The following PGPEP1L variants were observed in gnomAD, a reference collection of about 807,000 sequenced individuals.
The protein encoded by PGPEP1L is pyroglutamyl-peptidase 1-like protein.
In PGPEP1L, 7 loss-of-function variants were observed where a neutral mutation model predicts 6.0. That is an observed-to-expected ratio of 1.17 (90% confidence interval 0.66 to 2.19). The LOEUF (loss-of-function observed/expected upper bound fraction) is 2.19, where lower values mean the gene tolerates loss of function less well. Ranked by LOEUF, PGPEP1L falls within the 30% of genes most tolerant of loss-of-function variation. PGPEP1L has a pLI of 0.00. For missense variants in PGPEP1L, 209 were observed against 192.5 expected, an observed-to-expected ratio of 1.09 and a Z score of -0.51; for synonymous variants, 103 against 83.9, an observed-to-expected ratio of 1.23 and a Z score of -1.24.
intron 1 of PGPEP1L, among the ~76,000 whole-genome samples, chr15:99,006,786 A>C (rs1273742897): frequency 1.3e-5 from 2 of 152,246 alleles, no homozygotes; most frequent in Non-Finnish European, 2.9e-5. Flanking sequence ...TGACAGAGTG[A>C]GACCCTGTCT....
At chr15:98,985,745 C>G (rs1034478659) in intron 2 of PGPEP1L, among the ~76,000 whole-genome samples, 5 of 152,372 alleles carry the variant, frequency 3.3e-5, no homozygotes, top group African/African-American at 9.6e-5. Context: ...CCTCTCTGAG[C>G]ACCCCTTTCC....
At chr15:98,985,966 T>TTC (rs2017741100) in intron 2 of PGPEP1L, among the ~76,000 whole-genome samples, 1 of 152,246 alleles carries the variant, frequency 6.6e-6, no homozygotes, top group African/African-American at 2.4e-5. Context: ...TTATGTTGCT[T>TTC]TCTTCCATAT....
rs548261790 is a variant in PGPEP1L at position 99,005,501 on chromosome 15, C to G, written c.-214G>C. ...GAGCTCGCGCTGCGCCTCCCTGGCT[C>G]AGGCAGCGGCCCAGCGGCCGGGCTC... On this transcript the variant is annotated 5_prime_UTR_variant, in exon 2 of 5. Transcript: ENST00000535714. 3.9e-5 allele frequency: 6 copies of G among 152,568 alleles called. No individual in the cohort carries two copies. In the East Asian group the frequency reaches 1.2e-3, roughly 29 times the overall value. 9.5% of individuals were successfully genotyped at this position (152,568 alleles called of 1,614,324 possible). A position where few individuals can be genotyped will look rare whatever the true frequency, so the allele number is the denominator to read the frequency against.
At chr15:98,977,850 G>C (rs1006417427) in intron 2 of PGPEP1L, among the ~76,000 whole-genome samples, 8 of 152,184 alleles carry the variant, frequency 5.3e-5, no homozygotes, top group African/African-American at 1.9e-4. Context: ...TACAAGCACT[G>C]TTATTAGGAG....
intron 2 of PGPEP1L, among the ~76,000 whole-genome samples, chr15:99,001,787 AGC>A (rs2017975464): frequency 2.0e-5 from 3 of 152,126 alleles, no homozygotes; most frequent in Non-Finnish European, 2.9e-5. Flanking sequence ...GTGTGATCTC[AGC>A]TCACTGCAAC....
intron 2 of PGPEP1L, among the ~76,000 whole-genome samples, chr15:98,993,661 C>G (rs2017848167): frequency 7.6e-6 from 1 of 131,480 alleles, no homozygotes. Context: ...GCATCACACA[C>G]CGGGGCCTGT....
At chr15:98,972,434 A>C (rs1283122904) in intron 2 of PGPEP1L, among the ~76,000 whole-genome samples, 1 of 152,062 alleles carries the variant, frequency 6.6e-6, no homozygotes, top group African/African-American at 2.4e-5. Context: ...AAAATCACTT[A>C]ACCACAAATA....
chr15:98,969,729 C>T (rs2151753238), intron 3 of PGPEP1L, 78 bp from the exon 4 acceptor site: 4 of 1,468,958 alleles, frequency 2.7e-6, no homozygotes, highest in Middle Eastern at 4.4e-4. Flanking sequence ...GAAGGGGCCA[C>T]TCCTTTTGAG....
At chr15:98,971,225 C>A (rs1342642227) in intron 2 of PGPEP1L, 67 bp from the exon 3 acceptor site, 1 of 1,452,428 alleles carries the variant, frequency 6.9e-7, no homozygotes. Context: ...CACCAAGAGT[C>A]CCTGAAAACC....
intron 2 of PGPEP1L, among the ~76,000 whole-genome samples, chr15:98,991,751 C>A (rs2017823155): frequency 6.6e-6 from 1 of 152,212 alleles, no homozygotes; most frequent in African/African-American, 2.4e-5. Context: ...AAAAGCTTAT[C>A]TACTACAATC....
chr15:98,997,456 A>C (rs1429609475), intron 2 of PGPEP1L, among the ~76,000 whole-genome samples: 2 of 152,204 alleles, frequency 1.3e-5, no homozygotes, highest in Admixed American at 6.5e-5. Context: ...AGTGTGAATA[A>C]GCAGTTGGCG....
At chr15:98,981,363 G>T (rs1278376699) in intron 2 of PGPEP1L, among the ~76,000 whole-genome samples, 2 of 151,780 alleles carry the variant, frequency 1.3e-5, no homozygotes, top group African/African-American at 4.8e-5. Context: ...GCTGGCGGGC[G>T]CCTGTAGTCC....
At chr15:98,993,379 C>T (rs2017843844) in intron 2 of PGPEP1L, among the ~76,000 whole-genome samples, 1 of 152,118 alleles carries the variant, frequency 6.6e-6, no homozygotes, top group African/African-American at 2.4e-5. Context: ...GAGAAATGCA[C>T]ATCAAAACCA....
At chr15:98,995,337 CTATATG>C (rs1192969748) in intron 2 of PGPEP1L, among the ~76,000 whole-genome samples, 47 of 152,274 alleles carry the variant, frequency 3.1e-4, no homozygotes, top group Non-Finnish European at 5.1e-4. Flanking sequence ...GCATGTATAT[CTATATG>C]TATATCTAAT....
chr15:98,968,750 T>A, intron 4 of PGPEP1L, 53 bp from the exon 5 acceptor site: 1 of 1,501,168 alleles, frequency 6.7e-7, no homozygotes, highest in Non-Finnish European at 9.0e-7. Context: ...CTAACCTCAG[T>A]GAAACATACG....
intron 2 of PGPEP1L, among the ~76,000 whole-genome samples, chr15:98,991,621 G>A (rs1206680522): frequency 6.6e-6 from 1 of 152,126 alleles, no homozygotes; most frequent in Non-Finnish European, 1.5e-5. Flanking sequence ...GCATCATCCT[G>A]ATACCAAAAA....
intron 2 of PGPEP1L, among the ~76,000 whole-genome samples, chr15:98,987,422 C>A (rs2017763103): frequency 6.6e-6 from 1 of 151,940 alleles, no homozygotes; most frequent in Admixed American, 6.6e-5. Flanking sequence ...GCAAATGTTT[C>A]TGATAGACGC....
At chr15:99,004,511 A>T (rs2018019872) in intron 2 of PGPEP1L, among the ~76,000 whole-genome samples, 3 of 152,150 alleles carry the variant, frequency 2.0e-5, no homozygotes, top group Admixed American at 2.0e-4. Context: ...CAAGGTCAAG[A>T]GATCGAAACC....
intron 2 of PGPEP1L, among the ~76,000 whole-genome samples, chr15:99,003,966 C>CT (rs1301669186): frequency 6.7e-6 from 1 of 148,508 alleles, no homozygotes; most frequent in Non-Finnish European, 1.5e-5. Flanking sequence ...TCCCAAAGAA[C>CT]TTTTTCTCTG....
Sources: allele counts gnomAD v4.1 joint callset (sites outside exome capture counted in the v4.1 genomes callset), GRCh38; gene constraint gnomAD v4.1.1; transcripts MANE v1.5; gene names NCBI Gene and HGNC (gene_info 2026-07-23, HGNC 2026-07-21).